HOMER2: variants seen among roughly 807,000 people sequenced by gnomAD.
The protein encoded by HOMER2 is homer protein homolog 2.
HOMER2 carries 27 observed loss-of-function variants against 47.0 expected under a neutral mutation model. That is an observed-to-expected ratio of 0.57 (90% CI 0.42 to 0.79). The LOEUF (loss-of-function observed/expected upper bound fraction) is 0.79, where lower values mean the gene tolerates loss of function less well. HOMER2 is among the 30% of genes least tolerant of loss of function. HOMER2 has a pLI of 0.00. For synonymous variants in HOMER2, 161 were observed against 163.8 expected (o/e 0.98, Z 0.13); for missense variants, 443 against 435.0 (o/e 1.02, Z -0.16).
At chr15:82,929,064 G>T (rs988019255) in intron 1 of HOMER2, among the ~76,000 whole-genome samples, 10 of 151,514 alleles carry the variant, frequency 6.6e-5, no homozygotes, top group African/African-American at 2.4e-4. Flanking sequence ...AAAAGAGGGT[G>T]AGCAATGTGG....
At chr15:82,976,380 C>T (rs1334355174) in intron 1 of HOMER2, among the ~76,000 whole-genome samples, 3 of 152,104 alleles carry the variant, frequency 2.0e-5, no homozygotes, top group African/African-American at 7.2e-5. Flanking sequence ...TCATTGCAAC[C>T]TCCGCACCCC....
chr15:82,897,818 T>C (rs765578178), intron 1 of HOMER2, among the ~76,000 whole-genome samples: 2 of 152,210 alleles, frequency 1.3e-5, no homozygotes, highest in Non-Finnish European at 2.9e-5. Context: ...GAAGCAGATC[T>C]TTCCATATGT....
chr15:82,868,653 A>G (rs7171702), intron 3 of HOMER2, among the ~76,000 whole-genome samples: 6,820 of 147,222 alleles, frequency 0.046, 501 homozygotes, highest in African/African-American at 0.16. Context: ...GGCTCAGGTG[A>G]TTCTCCTGCC....
chr15:82,859,304 GTTT>G (rs55861392), intron 4 of HOMER2, 169 bp from the exon 5 acceptor site: 17 of 627,964 alleles, frequency 2.7e-5, no homozygotes, highest in South Asian at 6.6e-5. Flanking sequence ...ACAAGTTTTT[GTTT>G]TTTTTTTAAA....
At chr15:82,914,905 T>C (rs992020000) in intron 1 of HOMER2, among the ~76,000 whole-genome samples, 53 of 152,012 alleles carry the variant, frequency 3.5e-4, no homozygotes, top group African/African-American at 1.2e-3. Context: ...CAGATGGAGG[T>C]GGGCACAGTG....
rs12441914 is a variant in HOMER2 at position 82,913,459 on chromosome 15, A to G, written c.6-20618T>C. Among the ~76,000 whole-genome samples, 89,618 of 151,924 alleles carry G rather than the reference A, an allele frequency of 0.59. 27,988 individuals carry two copies. The highest frequency in any genetic ancestry group is 0.79 in the African/African-American group (32,887 of 41,450). ...ATGCAGTTCCTAACCAATGGTGCCT[A>G]CCAGCAGAGCCTGAGAGTCTGACCT... On this transcript the variant is annotated intron_variant, in intron 1 of 8. Coordinates refer to ENST00000450735, the MANE Select transcript of HOMER2 (RefSeq NM_004839.4). This position sits in a 1 kb window ranked among gnomAD's most constrained non-coding sequence, Gnocchi z 4.1.
At chr15:82,934,996 G>A (rs1219722222) in intron 1 of HOMER2, among the ~76,000 whole-genome samples, 1 of 152,018 alleles carries the variant, frequency 6.6e-6, no homozygotes, top group Non-Finnish European at 1.5e-5. Flanking sequence ...CACCAATCCC[G>A]CCTGCATCTC....
At chr15:82,908,091 C>T (rs915065013) in intron 1 of HOMER2, among the ~76,000 whole-genome samples, 1 of 151,954 alleles carries the variant, frequency 6.6e-6, no homozygotes, top group African/African-American at 2.4e-5. Context: ...GCTGTCCAAG[C>T]ACAGGAAGCC....
At chr15:82,841,775 C>T (rs184473182) in exon 2 of HOMER2, 226 of 152,274 alleles carry the variant, frequency 1.5e-3, no homozygotes, top group African/African-American at 5.3e-3. Context: ...AATAACCAAT[C>T]GCCAAGTTAA....
chr15:82,835,190 G>T (rs923738115), downstream of HOMER2: 1 of 151,498 alleles, frequency 6.6e-6, no homozygotes, highest in Non-Finnish European at 1.5e-5. Flanking sequence ...GCGGTGGCAC[G>T]ATCTCAGCTC....
intron 1 of HOMER2, among the ~76,000 whole-genome samples, chr15:82,903,800 G>T (rs2053205006): frequency 6.6e-6 from 1 of 152,162 alleles, no homozygotes; most frequent in Admixed American, 6.5e-5. Context: ...TTCGAGACCA[G>T]CTCGCACAAC....
At chr15:82,944,640 C>G (rs1007735495) in intron 1 of HOMER2, among the ~76,000 whole-genome samples, 1 of 152,174 alleles carries the variant, frequency 6.6e-6, no homozygotes, top group Admixed American at 6.5e-5. Context: ...AAAGGGGTCC[C>G]TGCCCTCAGC....
downstream of HOMER2, among the ~76,000 whole-genome samples, chr15:82,848,235 C>T (rs373657392): frequency 7.2e-5 from 11 of 152,256 alleles, no homozygotes; most frequent in African/African-American, 2.4e-4. Flanking sequence ...CCTCCTTCCT[C>T]GGGTTGTTTG....
chr15:82,927,863 C>T (rs1409376340), intron 1 of HOMER2, among the ~76,000 whole-genome samples: 3 of 151,018 alleles, frequency 2.0e-5, no homozygotes, highest in Non-Finnish European at 2.9e-5. Flanking sequence ...CCAGCTACTT[C>T]GGAGGCTGAG....
intron 7 of HOMER2, among the ~76,000 whole-genome samples, chr15:82,851,684 T>C (rs2051401328): frequency 6.6e-6 from 1 of 152,118 alleles, no homozygotes; most frequent in South Asian, 2.1e-4. Flanking sequence ...TAGTCCCAGC[T>C]ACACAGGAGG....
chr15:82,969,573 G>A (rs989942954), intron 1 of HOMER2, among the ~76,000 whole-genome samples: 1 of 152,168 alleles, frequency 6.6e-6, no homozygotes, highest in African/African-American at 2.4e-5. Context: ...TACACCTACT[G>A]ACCAAGGAAC....
At chr15:82,900,415 CTAAAT>C (rs752117046) in intron 1 of HOMER2, among the ~76,000 whole-genome samples, 7 of 152,050 alleles carry the variant, frequency 4.6e-5, no homozygotes, top group Admixed American at 1.3e-4. Flanking sequence ...TCAATTATCC[CTAAAT>C]TAATATATAA....
In HOMER2 at chr15:82,875,412, A is replaced by C. The variant is rs763848451; in HGVS notation, c.163-8T>G. ...TGTGCTGTTTATGATCACCTGCAGA[A>C]AAACAGCCCAAAGAGTGAAAATTTA... On this transcript the variant is annotated splice_polypyrimidine_tract_variant and splice_region_variant and intron_variant, in intron 2 of 8. Coordinates refer to ENST00000450735, the MANE Select transcript of HOMER2 (RefSeq NM_004839.4). 1 of 1,613,612 alleles carries C rather than the reference A, an allele frequency of 6.2e-7. No individual in the cohort carries two copies. Among genetic ancestry groups the C allele is most frequent in the Admixed American group, 1.7e-5 (1 of 59,966 alleles).
intron 2 of HOMER2, 69 bp from the exon 3 acceptor site, chr15:82,875,473 C>A (rs1241760462): frequency 6.5e-7 from 1 of 1,533,408 alleles, no homozygotes; most frequent in African/African-American, 1.4e-5. Context: ...CTTAGAAAGT[C>A]TTCTATTGGC....
Sources: gnomAD v4.1 joint callset for allele counts (sites outside exome capture counted in the v4.1 genomes callset) on GRCh38, gnomAD v4.1.1 for gene constraint, Gnocchi (gnomAD v3.1) non-coding constraint, MANE v1.5 for transcripts, NCBI Gene and HGNC (gene_info 2026-07-23, HGNC 2026-07-21) for gene names.